Variants in ZNF536 observed in about 807,000 individuals in gnomAD.
ZNF536 encodes zinc finger protein 536.
A neutral mutation model predicts 84.5 loss-of-function variants in ZNF536; 13 were observed. The observed-to-expected ratio is 0.15, with a 90% CI of 0.10 to 0.24. The LOEUF (loss-of-function observed/expected upper bound fraction) is 0.24, where lower values mean the gene tolerates loss of function less well. Among genes scored for constraint, ZNF536 ranks in the 10% least tolerant of loss-of-function variants. The pLI is 1.00. For missense variants in ZNF536, 1,536 were observed against 1,747.5 expected (o/e 0.88, Z 2.16); for synonymous variants, 811 against 742.5 (o/e 1.09, Z -1.50).
chr19:30,686,087 C>G (rs1001087922), intron 1 of ZNF536, among the ~76,000 whole-genome samples: 1 of 152,100 alleles, frequency 6.6e-6, no homozygotes, highest in Non-Finnish European at 1.5e-5. Flanking sequence ...ACTTCTTTGC[C>G]CCTTCCCTCT....
intron 2 of ZNF536, among the ~76,000 whole-genome samples, chr19:30,289,249 G>A (rs560456565): frequency 2.0e-5 from 3 of 152,108 alleles, no homozygotes; most frequent in East Asian, 1.9e-4. Flanking sequence ...ACCATGGCCC[G>A]GTTTTATATT....
At chr19:30,314,979 T>C (rs183292708) in intron 2 of ZNF536, among the ~76,000 whole-genome samples, 2 of 152,314 alleles carry the variant, frequency 1.3e-5, no homozygotes, top group Admixed American at 1.3e-4. Flanking sequence ...AGCGAGGCCT[T>C]TGTGGCCCAC....
intron 1 of ZNF536, among the ~76,000 whole-genome samples, chr19:30,571,469 C>T (rs1021778382): frequency 3.3e-5 from 5 of 152,146 alleles, no homozygotes; most frequent in Non-Finnish European, 7.3e-5. Flanking sequence ...GCAATCATGC[C>T]CCCTTCATTG....
chr19:30,503,074 C>A (rs750777170), intron 2 of ZNF536, among the ~76,000 whole-genome samples: 21 of 152,108 alleles, frequency 1.4e-4, no homozygotes, highest in Non-Finnish European at 2.9e-4. Flanking sequence ...TAACACAGTA[C>A]TGGCAAATTA....
intron 2 of ZNF536, among the ~76,000 whole-genome samples, chr19:30,287,670 GTGGA>G (rs575229970): frequency 0.02 from 1,274 of 63,072 alleles, 17 homozygotes; most frequent in East Asian, 0.1. Context: ...GGATGGGTGG[GTGGA>G]TGGATGGATG....
At chr19:30,260,049 GCCAC>G (rs2025127368) in intron 1 of ZNF536, among the ~76,000 whole-genome samples, 1 of 151,772 alleles carries the variant, frequency 6.6e-6, no homozygotes. Context: ...ACAGGCGTGA[GCCAC>G]CATGCCCAGC....
chr19:30,360,375 G>A (rs2048236171), intron 3 of ZNF536, among the ~76,000 whole-genome samples: 2 of 152,362 alleles, frequency 1.3e-5, no homozygotes, highest in African/African-American at 4.8e-5. Flanking sequence ...CTGTCAGACT[G>A]TTGCCTGAAA....
chr19:30,614,947 T>TGC (rs1167508934), intron 1 of ZNF536, among the ~76,000 whole-genome samples: 12 of 53,922 alleles, frequency 2.2e-4, no homozygotes, highest in African/African-American at 7.2e-4. Context: ...TTTCAATTTT[T>TGC]TTTTTTTTTT....
intron 1 of ZNF536, among the ~76,000 whole-genome samples, chr19:30,611,606 C>T (rs1174530174): frequency 6.6e-6 from 1 of 152,184 alleles, no homozygotes; most frequent in African/African-American, 2.4e-5. Context: ...AGTCATTCCT[C>T]TCTCTAAATT....
intron 1 of ZNF536, among the ~76,000 whole-genome samples, chr19:30,569,774 G>A (rs1468282182): frequency 6.6e-6 from 1 of 151,800 alleles, no homozygotes; most frequent in Admixed American, 6.6e-5. Context: ...GTTTCACCAT[G>A]TTGGCCAGGC....
At chr19:30,307,297 A>G (rs2046369558) in intron 2 of ZNF536, among the ~76,000 whole-genome samples, 1 of 151,790 alleles carries the variant, frequency 6.6e-6, no homozygotes, top group African/African-American at 2.4e-5. Flanking sequence ...AAAAGAAATG[A>G]AAAACTAGTC....
At chr19:30,470,201 A>G (rs2053575308) in intron 2 of ZNF536, among the ~76,000 whole-genome samples, 1 of 152,064 alleles carries the variant, frequency 6.6e-6, no homozygotes, top group African/African-American at 2.4e-5. Context: ...CTTTAGCTAC[A>G]CCCTTTTTTG....
chr19:30,478,463 T>A (rs541712728), intron 2 of ZNF536, among the ~76,000 whole-genome samples: 4 of 152,178 alleles, frequency 2.6e-5, no homozygotes, highest in Non-Finnish European at 4.4e-5. Context: ...GATGGGGGGA[T>A]CCTAGTGAAG....
chr19:30,648,116 T>G (rs2049545908), intron 1 of ZNF536, among the ~76,000 whole-genome samples: 1 of 152,134 alleles, frequency 6.6e-6, no homozygotes, highest in South Asian at 2.1e-4. Context: ...TTCCTTCCTT[T>G]TCTGCCTGTG....
At chr19:30,268,492 A>AC in intron 1 of ZNF536, among the ~76,000 whole-genome samples, 1 of 152,096 alleles carries the variant, frequency 6.6e-6, no homozygotes, top group East Asian at 1.9e-4. Flanking sequence ...GTGCTTCTCG[A>AC]CCCTCCCAGG....
At chr19:30,256,523 A>G (rs1359868613) in intron 1 of ZNF536, among the ~76,000 whole-genome samples, 1 of 152,266 alleles carries the variant, frequency 6.6e-6, no homozygotes, top group African/African-American at 2.4e-5. Context: ...GATTACCAAT[A>G]TAAAACAGGA....
At chr19:30,565,179 T>C (rs886706941) in intron 1 of ZNF536, among the ~76,000 whole-genome samples, 1 of 151,898 alleles carries the variant, frequency 6.6e-6, no homozygotes, top group African/African-American at 2.4e-5. Flanking sequence ...TTTTTTTTTT[T>C]TTTTAACTTA....
chr19:30,297,079 C>G (rs1307669197), intron 2 of ZNF536, among the ~76,000 whole-genome samples: 1 of 152,216 alleles, frequency 6.6e-6, no homozygotes, highest in Non-Finnish European at 1.5e-5. Context: ...GCTGCTTCCC[C>G]TGTACCTAAA....
At position 30,548,744 on chromosome 19, in the gene ZNF536, A is replaced by T. The variant is rs2146215591; in HGVS notation, c.3125A>T (p.Lys1042Ile). 6.2e-7 allele frequency: 1 copy of T among 1,613,954 alleles called. No homozygotes were observed. Among genetic ancestry groups the T allele is most frequent in the Non-Finnish European group, 8.5e-7 (1 of 1,180,030 alleles). Residue 1042 changes from lysine (K) to isoleucine (I), a missense_variant, in exon 4 of 5, where the codon AAA becomes ATA. Coordinates refer to ENST00000355537, the MANE Select transcript of ZNF536 (RefSeq NM_014717.3). ...ACCATCGGGGTCACAGTCAACTGCAAAGACCAAGCCCGGGAGGCGAGTAAG... is the reference window on the plus strand; with the variant it reads ...ACCATCGGGGTCACAGTCAACTGCATAGACCAAGCCCGGGAGGCGAGTAAG... ...DNTIGVTVNC[K>I]DQAREASKMA...
Sources: gnomAD v4.1 joint callset for allele counts (sites outside exome capture counted in the v4.1 genomes callset) on GRCh38, gnomAD v4.1.1 for gene constraint, MANE v1.5 for transcripts, NCBI Gene and HGNC (gene_info 2026-07-23, HGNC 2026-07-21) for gene names.